Variants in COL4A2 observed in about 807,000 individuals in gnomAD.
COL4A2 encodes the protein collagen alpha-2(IV) chain.
A neutral mutation model predicts 200.2 loss-of-function variants in COL4A2; 99 were observed. That is an observed-to-expected ratio of 0.49 (90% CI 0.42 to 0.58). The LOEUF is 0.58. Ranked by LOEUF, COL4A2 falls within the 20% of genes least tolerant of loss-of-function variation. The pLI, the probability that COL4A2 is intolerant of heterozygous loss-of-function variation, is 0.00. For synonymous variants in COL4A2, 897 were observed against 900.6 expected (o/e 1.00, Z 0.07); for missense variants, 1,950 against 2,314.1 (o/e 0.84, Z 3.23).
intron 3 of COL4A2, among the ~76,000 whole-genome samples, chr13:110,311,975 G>A (rs7983561): frequency 0.15 from 22,420 of 152,278 alleles, 1,950 homozygotes; most frequent in Non-Finnish European, 0.2. Context: ...AGCTGCGGTG[G>A]CAAGTCCTTT....
In COL4A2 at chr13:110,457,154, C is replaced by T. The variant is rs1436353822; in HGVS notation, c.1340-189C>T. ...CAGGCGTCGTGGGGCTGATGCCGTG[C>T]GTCTGCGTGGGACCCCAGGCGTCCG... On this transcript the variant is annotated intron_variant, in intron 20 of 47. Coordinates refer to ENST00000360467, the MANE Select transcript of COL4A2 (RefSeq NM_001846.4). 5.3e-6 allele frequency: 2 copies of T among 377,652 alleles called. 1 individual carries two copies. Among genetic ancestry groups the T allele is most frequent in the Non-Finnish European group, 1.0e-5 (2 of 192,244 alleles). 23.4% of individuals were successfully genotyped at this position (377,652 alleles called of 1,614,324 possible).
At chr13:110,412,385 TGC>T (rs1342831721) in intron 4 of COL4A2, among the ~76,000 whole-genome samples, 1 of 152,178 alleles carries the variant, frequency 6.6e-6, no homozygotes, top group Non-Finnish European at 1.5e-5. Flanking sequence ...TGCAAATCTG[TGC>T]CTCCAGCCAA....
intron 6 of COL4A2, among the ~76,000 whole-genome samples, chr13:110,426,587 T>TA (rs139024927): frequency 6.6e-6 from 1 of 152,350 alleles, no homozygotes; most frequent in East Asian, 1.9e-4. Flanking sequence ...AGTAAAATCT[T>TA]AGAGGAGTGG....
At chr13:110,432,829 G>A (rs558942503) in intron 11 of COL4A2, among the ~76,000 whole-genome samples, 7 of 152,314 alleles carry the variant, frequency 4.6e-5, no homozygotes, top group African/African-American at 1.7e-4. Context: ...AATCAAGTTA[G>A]GCTAGAGCCC....
At chr13:110,482,935 A>G (rs1438253715) in intron 32 of COL4A2, among the ~76,000 whole-genome samples, 2 of 152,224 alleles carry the variant, frequency 1.3e-5, no homozygotes, top group African/African-American at 2.4e-5. Flanking sequence ...GTCATGAAAC[A>G]TATTCCACCA....
At chr13:110,465,971 TG>T (rs1882224377) in intron 25 of COL4A2, 31 bp from the exon 26 acceptor site, 1 of 1,605,036 alleles carries the variant, frequency 6.2e-7, no homozygotes, top group Non-Finnish European at 8.5e-7. Context: ...GTTTCAAAAT[TG>T]CCTCACTCTG....
chr13:110,462,283 C>T lies in COL4A2; in HGVS notation c.1675C>T (p.Arg559Trp), dbSNP rs867029393. Residue 559 changes from arginine (R) to tryptophan (W), a missense_variant, in exon 24 of 48, where the codon CGG becomes TGG. Transcript: ENST00000360467. The part of the protein sequence containing the change: ...DSRTITTKGE[R>W]GQPGVPGVPG... Reference sequence around the variant, plus strand: ...ACATGCAAATCCCTTTCTAGGTGAGCGGGGACAGCCCGGCGTCCCAGGTGT... The same window carrying T: ...ACATGCAAATCCCTTTCTAGGTGAGTGGGGACAGCCCGGCGTCCCAGGTGT... 7 of 1,614,074 alleles carry T rather than the reference C, an allele frequency of 4.3e-6. No homozygotes were observed. The highest frequency in any genetic ancestry group is 1.3e-5 in the African/African-American group (1 of 74,930).
intron 4 of COL4A2, among the ~76,000 whole-genome samples, chr13:110,394,823 C>G (rs989974938): frequency 2.0e-5 from 3 of 152,322 alleles, no homozygotes; most frequent in African/African-American, 7.2e-5. Flanking sequence ...ATCTGGTGCT[C>G]TTTGCTCAGA....
rs578231973 is a variant in COL4A2, at chr13:110,327,305, G to C, written c.99+19182G>C. On this transcript the variant is annotated intron_variant, in intron 3 of 47. Coordinates refer to ENST00000360467, the MANE Select transcript of COL4A2 (RefSeq NM_001846.4). ...CACTGGCTTGCTTCCTGCCCTTCCCGGGGGGTCCTCACCAACCCCCAAGAG... is the reference window on the plus strand; with the variant it reads ...CACTGGCTTGCTTCCTGCCCTTCCCCGGGGGTCCTCACCAACCCCCAAGAG... Among the ~76,000 whole-genome samples, 178 of 151,054 alleles carry C rather than the reference G, an allele frequency of 1.2e-3. 1 individual carries two copies. Among genetic ancestry groups the C allele is most frequent in the African/African-American group, 4.1e-3 (166 of 40,836 alleles).
chr13:110,362,656 A>G (rs1193118346), intron 4 of COL4A2, among the ~76,000 whole-genome samples: 2 of 152,050 alleles, frequency 1.3e-5, no homozygotes, highest in Admixed American at 1.3e-4. Flanking sequence ...TTCTTTCTTT[A>G]TACACCATGG....
At chr13:110,504,436 G>A (rs1192010397) in intron 45 of COL4A2, among the ~76,000 whole-genome samples, 172 bp downstream of exon 45, 1 of 152,200 alleles carries the variant, frequency 6.6e-6, no homozygotes, top group Non-Finnish European at 1.5e-5. Flanking sequence ...ATGCCCAGCA[G>A]AACACCTGGC....
At chr13:110,455,599 T>C (rs1231175579) in intron 20 of COL4A2, among the ~76,000 whole-genome samples, 1 of 152,188 alleles carries the variant, frequency 6.6e-6, no homozygotes, top group Non-Finnish European at 1.5e-5. Flanking sequence ...CGGTTTCATT[T>C]CCAGTTGTAT....
chr13:110,433,686 G>A (rs143511201), intron 11 of COL4A2, among the ~76,000 whole-genome samples: 26 of 152,362 alleles, frequency 1.7e-4, no homozygotes, highest in Admixed American at 1.7e-3. Flanking sequence ...GAAACCCTGG[G>A]AAAGAAGCAA....
At chr13:110,496,176 C>G (rs1240353893) in intron 40 of COL4A2, among the ~76,000 whole-genome samples, 1 of 152,220 alleles carries the variant, frequency 6.6e-6, no homozygotes, top group African/African-American at 2.4e-5. Flanking sequence ...AACAGAAACT[C>G]TGGCTTCCAT....
Position 110,446,813 on chromosome 13 carries a change from C to T in COL4A2, c.1027C>T (p.Pro343Ser), listed in dbSNP as rs951552197. The part of the protein sequence containing the change: ...PRGPKGEAGD[P>S]GPPGLPAYSP... ...CTTTCTCTAGGGAGAAGCCGGAGAC[C>T]CAGGGCCCCCTGGACTACCTGCCTA... The change falls in exon 18 of 48, where the codon CCA (proline) becomes TCA (serine). Residue 343 changes from proline (P) to serine (S), a missense_variant. Pro to Ser is a moderately conservative substitution (Grantham distance 74, BLOSUM62 -1). This residue lies in a region of COL4A2 where 565 missense variants were observed against 593.5 expected (regional missense o/e 0.95). Coordinates refer to ENST00000360467, the MANE Select transcript of COL4A2 (RefSeq NM_001846.4). 1.2e-6 allele frequency: 2 copies of T among 1,612,430 alleles called. No individual in the cohort carries two copies. Among genetic ancestry groups the T allele is most frequent in the East Asian group, 2.2e-5 (1 of 44,818 alleles).
chr13:110,433,218 G>T (rs563226289), intron 11 of COL4A2, among the ~76,000 whole-genome samples: 7 of 152,348 alleles, frequency 4.6e-5, no homozygotes, highest in African/African-American at 1.4e-4. Context: ...TGGAGGGCTT[G>T]CGCTGGACGC....
At chr13:110,330,209 A>C (rs1875842924) in intron 3 of COL4A2, among the ~76,000 whole-genome samples, 1 of 152,180 alleles carries the variant, frequency 6.6e-6, no homozygotes, top group African/African-American at 2.4e-5. Flanking sequence ...GCATGACTTC[A>C]TCTCAAGCAA....
chr13:110,360,223 G>A (rs56194898), intron 4 of COL4A2, among the ~76,000 whole-genome samples: 9,425 of 152,268 alleles, frequency 0.062, 337 homozygotes, highest in African/African-American at 0.095. Flanking sequence ...GACGGAGTTC[G>A]TGTCTAGAGC....
intron 14 of COL4A2, 45 bp from the exon 15 acceptor site, chr13:110,438,573 G>C: frequency 6.2e-7 from 1 of 1,613,368 alleles, no homozygotes; most frequent in Non-Finnish European, 8.5e-7. Flanking sequence ...TGGCTGGAGG[G>C]GCCGCCCCTG....
Sources: gnomAD v4.1 joint callset for allele counts (sites outside exome capture counted in the v4.1 genomes callset) on GRCh38, gnomAD v4.1.1 for gene constraint, gnomAD v4.1.1 regional missense constraint, MANE v1.5 for transcripts, NCBI Gene and HGNC (gene_info 2026-07-23, HGNC 2026-07-21) for gene names.